Variants in CAPN3 observed in about 807,000 individuals in gnomAD.
CAPN3 encodes calpain-3.
A neutral mutation model predicts 114.0 loss-of-function variants in CAPN3; 88 were observed. The observed-to-expected ratio is 0.77, with a 90% CI of 0.65 to 0.92. The LOEUF (loss-of-function observed/expected upper bound fraction) is 0.92. CAPN3 is among the 40% of genes least tolerant of loss of function. The pLI is 0.00. For missense variants in CAPN3, 1,028 were observed against 1,069.0 expected, an observed-to-expected ratio of 0.96 and a Z score of 0.53; for synonymous variants, 386 against 382.9, an observed-to-expected ratio of 1.01 and a Z score of -0.09.
chr15:42,407,311 G>A (rs1258892680), intron 15 of CAPN3, among the ~76,000 whole-genome samples: 1 of 151,956 alleles, frequency 6.6e-6, no homozygotes, highest in Admixed American at 6.6e-5. Context: ...TAAAGGATGA[G>A]TAAACTGAGG....
intron 1 of CAPN3, among the ~76,000 whole-genome samples, chr15:42,368,780 G>C (rs1253628144): frequency 1.3e-5 from 2 of 152,186 alleles, no homozygotes; most frequent in Non-Finnish European, 2.9e-5. Context: ...GGCTGGGCGT[G>C]GTGGCTCACA....
chr15:42,396,677 A>G (rs1268141181), intron 8 of CAPN3, 123 bp from the exon 9 acceptor site: 4 of 752,064 alleles, frequency 5.3e-6, no homozygotes, highest in Non-Finnish European at 7.2e-6. Context: ...TTAACAGGTG[A>G]AGTCAGCATT....
rs28364382 is a variant in CAPN3, at chr15:42,373,799, A to C, written c.310-10684A>C. Among the ~76,000 whole-genome samples the C allele has an allele frequency of 2.3e-3, 345 of 152,234 alleles. 1 individual carries two copies. The highest frequency in any genetic ancestry group is 4.4e-3 in the Non-Finnish European group (297 of 68,002). On this transcript the variant is annotated intron_variant, in intron 1 of 23. Coordinates refer to ENST00000397163, the MANE Select transcript of CAPN3 (RefSeq NM_000070.3). ...TGGGCCAGGGACATCAGGAGTGTGAAGGCGTCATTACCCCCAAACAATGGC... is the reference window on the plus strand; with the variant it reads ...TGGGCCAGGGACATCAGGAGTGTGACGGCGTCATTACCCCCAAACAATGGC...
At chr15:42,404,671 T>G in intron 14 of CAPN3, 1 of 1,186,940 alleles carries the variant, frequency 8.4e-7, no homozygotes, top group Non-Finnish European at 1.1e-6. Context: ...GCCTTGGGGC[T>G]TTGGGCTGTA....
chr15:42,409,007 C>T, intron 16 of CAPN3: 2 of 463,028 alleles, frequency 4.3e-6, no homozygotes, highest in South Asian at 4.4e-5. Flanking sequence ...TTGGAATGGT[C>T]AGGCCTGGGA....
intron 1 of CAPN3, among the ~76,000 whole-genome samples, chr15:42,372,286 A>G (rs971032000): frequency 2.7e-4 from 41 of 152,072 alleles, no homozygotes; most frequent in Non-Finnish European, 7.4e-5. Context: ...CAGCCTCCCA[A>G]GTAGCTGGGA....
At chr15:42,406,055 T>G in intron 15 of CAPN3, 112 bp downstream of exon 15, 1 of 921,582 alleles carries the variant, frequency 1.1e-6, no homozygotes, top group Non-Finnish European at 1.8e-6. Flanking sequence ...GACTTGCCTC[T>G]TCCTCCCCCT....
intron 1 of CAPN3, among the ~76,000 whole-genome samples, chr15:42,376,350 A>G (rs903212113): frequency 6.6e-6 from 1 of 152,222 alleles, no homozygotes; most frequent in African/African-American, 2.4e-5. Context: ...ATCATTCTGC[A>G]TGGGAGCTTT....
Position 42,408,150 on chromosome 15 carries a change from C to T in CAPN3, c.1801-61C>T, listed in dbSNP as rs2054078583. 4 of 1,085,650 alleles carry T rather than the reference C, an allele frequency of 3.7e-6. No homozygotes were observed. In the South Asian group the frequency reaches 5.0e-5, roughly 14 times the overall value. 67.3% of individuals were successfully genotyped at this position (1,085,650 alleles called of 1,614,324 possible). A position where few individuals can be genotyped will look rare whatever the true frequency, so the allele number is the denominator to read the frequency against. On this transcript the variant is annotated intron_variant, in intron 15 of 23. Coordinates refer to ENST00000397163, the MANE Select transcript of CAPN3 (RefSeq NM_000070.3). Reference sequence around the variant, plus strand: ...AGCTGCTCCAAGAGAGGTGCTGCCTCAGTGTGCCTGTTCAGACTGTAATCC... The same window carrying T: ...AGCTGCTCCAAGAGAGGTGCTGCCTTAGTGTGCCTGTTCAGACTGTAATCC...
At chr15:42,399,413 G>T (rs1451060551) in intron 9 of CAPN3, 79 bp from the exon 10 acceptor site, 1 of 1,077,700 alleles carries the variant, frequency 9.3e-7, no homozygotes, top group Middle Eastern at 2.0e-4. Context: ...TTATTGTGCT[G>T]TGTTAGTCCT....
rs147493037 is a variant in CAPN3, at chr15:42,360,099, C to G, written c.294C>G (p.Val98=). 82 of 1,614,200 alleles carry G rather than the reference C, an allele frequency of 5.1e-5. No homozygotes were observed. The African/African-American group carries it at 9.7e-4, about 19-fold the overall frequency. Residue 98 remains valine (V), a synonymous_variant, in exon 1 of 24, where the codon GTC becomes GTG. Transcript: ENST00000397163. ...GCCAGAAGTTCCCCATCCAGTTCGT[C>G]TGGAAGAGACCTCCGGTGAGTAGCT... The part of the protein sequence containing the change: ...FYSQKFPIQF[V]WKRPPEICEN...
At chr15:42,396,607 G>A (rs1434207506) in intron 8 of CAPN3, among the ~76,000 whole-genome samples, 193 bp from the exon 9 acceptor site, 10 of 152,158 alleles carry the variant, frequency 6.6e-5, no homozygotes, top group Non-Finnish European at 1.3e-4. Context: ...GCCCATTTAA[G>A]GAGTTTAGGC....
intron 9 of CAPN3, among the ~76,000 whole-genome samples, chr15:42,397,852 A>G (rs1380243678): frequency 1.3e-5 from 2 of 151,900 alleles, no homozygotes; most frequent in South Asian, 2.1e-4. Flanking sequence ...TGGGACCCCA[A>G]CTCTACAAAA....
At chr15:42,403,848 G>T (rs2053944956) in intron 14 of CAPN3, 71 bp downstream of exon 14, 1 of 1,362,436 alleles carries the variant, frequency 7.3e-7, no homozygotes, top group African/African-American at 1.4e-5. Flanking sequence ...GGGACAGATG[G>T]TGCAGGGGAG....
chr15:42,399,742 C>G (rs945011574), intron 10 of CAPN3, 90 bp downstream of exon 10: 60 of 1,093,936 alleles, frequency 5.5e-5, no homozygotes, highest in South Asian at 4.2e-4. Context: ...TCTCTCTGTT[C>G]CAGACGTCCA....
intron 1 of CAPN3, among the ~76,000 whole-genome samples, chr15:42,376,922 G>A (rs1271230528): frequency 1.3e-5 from 2 of 152,142 alleles, no homozygotes; most frequent in African/African-American, 4.8e-5. Flanking sequence ...TCTTGGCTTA[G>A]TGTGTTAATA....
In CAPN3 at chr15:42,409,795, G is replaced by T; in HGVS notation, c.2001G>T (p.Glu667Asp). ...TCTCCCTTCCTCCTCAGGACATGGA[G>T]ATCTGTGCAGATGAGCTCAAGAAGG... ...IFKQIAGDDM[E>D]ICADELKKVL... The change falls in exon 18 of 24, where the codon GAG becomes GAT. Residue 667 changes from glutamate to aspartate, a missense_variant. By Grantham distance (45) the Glu-to-Asp change is conservative. Coordinates refer to ENST00000397163, the MANE Select transcript of CAPN3 (RefSeq NM_000070.3). 1 of 1,578,942 alleles carries T rather than the reference G, an allele frequency of 6.3e-7. No individual in the cohort carries two copies. The highest frequency in any genetic ancestry group is 8.6e-7 in the Non-Finnish European group (1 of 1,159,864).
chr15:42,387,211 C>G (rs562303985), intron 3 of CAPN3, among the ~76,000 whole-genome samples: 1 of 152,328 alleles, frequency 6.6e-6, no homozygotes, highest in South Asian at 2.1e-4. Context: ...CAAACTGATT[C>G]ATTCAAAAAA....
At chr15:42,365,163 T>C (rs537895476) in intron 1 of CAPN3, among the ~76,000 whole-genome samples, 2 of 152,206 alleles carry the variant, frequency 1.3e-5, no homozygotes, top group Admixed American at 1.3e-4. Context: ...AACCTAGAGC[T>C]TGGAGAAGGA....
Sources: gnomAD v4.1 joint callset for allele counts (sites outside exome capture counted in the v4.1 genomes callset) on GRCh38, gnomAD v4.1.1 for gene constraint, MANE v1.5 for transcripts, NCBI Gene and HGNC (gene_info 2026-07-23, HGNC 2026-07-21) for gene names.